Variants in CARMIL1 observed in about 807,000 individuals in gnomAD.
CARMIL1 encodes F-actin-uncapping protein LRRC16A.
Under a neutral mutation model 177.1 loss-of-function variants are expected in CARMIL1, and 90 were observed. That is an observed-to-expected ratio of 0.51 (90% CI 0.43 to 0.61). The LOEUF (loss-of-function observed/expected upper bound fraction) is 0.61, where lower values mean the gene tolerates loss of function less well. Ranked by LOEUF, CARMIL1 falls within the 20% of genes least tolerant of loss-of-function variation. CARMIL1 has a pLI of 0.00. For synonymous variants in CARMIL1, 577 were observed against 606.2 expected (o/e 0.95, Z 0.71); for missense variants, 1,380 against 1,667.0 (o/e 0.83, Z 3.00).
intron 28 of CARMIL1, among the ~76,000 whole-genome samples, chr6:25,556,212 C>G (rs1435003341): frequency 2.0e-5 from 3 of 152,218 alleles, no homozygotes; most frequent in Non-Finnish European, 4.4e-5. Context: ...CTTATTCTAC[C>G]TCTTATTTAA....
chr6:25,511,098 CTAGTTG>C (rs757705665), intron 20 of CARMIL1, among the ~76,000 whole-genome samples: 7 of 152,050 alleles, frequency 4.6e-5, no homozygotes, highest in Non-Finnish European at 8.8e-5. Context: ...TTTTTACATT[CTAGTTG>C]ACTTTATGAC....
At chr6:25,603,191 G>A (rs562246218) in intron 33 of CARMIL1, among the ~76,000 whole-genome samples, 1 of 152,234 alleles carries the variant, frequency 6.6e-6, no homozygotes, top group Non-Finnish European at 1.5e-5. Flanking sequence ...GAAAGGGAAG[G>A]ATGTGAAAGG....
rs141765640 is a variant in CARMIL1, at chr6:25,447,441, C to T, written c.372-2457C>T. On this transcript the variant is annotated intron_variant, in intron 5 of 36. Coordinates refer to ENST00000329474, the MANE Select transcript of CARMIL1 (RefSeq NM_017640.6). ...GTAAATAACTGGGAACATTTTCTTCCAGTCTCTGCAAGGTGATGGAAATTC... is the reference window on the plus strand; with the variant it reads ...GTAAATAACTGGGAACATTTTCTTCTAGTCTCTGCAAGGTGATGGAAATTC... 5.4e-3 allele frequency among the ~76,000 whole-genome samples: 827 copies of T among 152,304 alleles called. 7 individuals carry two copies. The highest frequency in any genetic ancestry group is 0.013 in the African/African-American group (552 of 41,554).
intron 23 of CARMIL1, among the ~76,000 whole-genome samples, chr6:25,524,611 C>T (rs1332239213): frequency 2.0e-5 from 3 of 152,198 alleles, no homozygotes; most frequent in African/African-American, 7.2e-5. Context: ...AAGCAACAAA[C>T]ACAGTGTGAA....
chr6:25,303,509 T>G (rs1783028727), intron 2 of CARMIL1, among the ~76,000 whole-genome samples: 1 of 152,190 alleles, frequency 6.6e-6, no homozygotes, highest in Non-Finnish European at 1.5e-5. Context: ...CTTAAACAAG[T>G]TTCTCCATTT....
At chr6:25,459,275 T>TCTTTC (rs1272799059) in intron 8 of CARMIL1, among the ~76,000 whole-genome samples, 3 of 141,412 alleles carry the variant, frequency 2.1e-5, no homozygotes, top group Admixed American at 7.6e-5. Flanking sequence ...TCTTTTTTTT[T>TCTTTC]TTTTTAAGAC....
chr6:25,324,888 C>G (rs1784948770), intron 2 of CARMIL1, among the ~76,000 whole-genome samples: 1 of 151,702 alleles, frequency 6.6e-6, no homozygotes, highest in Non-Finnish European at 1.5e-5. Flanking sequence ...TTGGGTGGGT[C>G]AAGGAAGTGA....
intron 2 of CARMIL1, among the ~76,000 whole-genome samples, chr6:25,319,439 G>A (rs1784516288): frequency 1.3e-5 from 2 of 152,192 alleles, no homozygotes; most frequent in Middle Eastern, 3.4e-3. Context: ...GATATTAAAA[G>A]TTGTGCTAGT....
At chr6:25,490,843 G>A (rs192316389) in intron 13 of CARMIL1, among the ~76,000 whole-genome samples, 1 of 152,142 alleles carries the variant, frequency 6.6e-6, no homozygotes, top group Non-Finnish European at 1.5e-5. Context: ...TCCTTGATAG[G>A]ATTCTTCTGA....
Position 25,600,340 on chromosome 6 carries a change from C to A in CARMIL1, c.3146C>A (p.Ser1049Tyr). ...AAATGGTCAACAAGAGGCTCAGAGTCCCATGAGCTTAATGAAGGAGGAGAT... is the reference window on the plus strand; with the variant it reads ...AAATGGTCAACAAGAGGCTCAGAGTACCATGAGCTTAATGAAGGAGGAGAT... Reference protein sequence around the residue: ...SKKWSTRGSESHELNEGGDEK... With the variant: ...SKKWSTRGSEYHELNEGGDEK... Residue 1049 changes from serine (S) to tyrosine (Y), a missense_variant, in exon 33 of 37, where the codon TCC (serine) becomes TAC (tyrosine). Ser to Tyr is a moderately radical substitution (Grantham distance 144). Coordinates refer to ENST00000329474, the MANE Select transcript of CARMIL1 (RefSeq NM_017640.6). The A allele has an allele frequency of 6.2e-7, 1 of 1,613,410 alleles. No homozygotes were observed. The highest frequency in any genetic ancestry group is 1.1e-5 in the South Asian group (1 of 90,994).
chr6:25,460,920 GCCTCT>G (rs1800062593), intron 8 of CARMIL1, among the ~76,000 whole-genome samples: 1 of 152,132 alleles, frequency 6.6e-6, no homozygotes, highest in Non-Finnish European at 1.5e-5. Flanking sequence ...ATAGGCTACT[GCCTCT>G]CCTTAAAAGA....
intron 8 of CARMIL1, among the ~76,000 whole-genome samples, chr6:25,454,345 T>G (rs1387525292): frequency 6.6e-6 from 1 of 152,186 alleles, no homozygotes; most frequent in African/African-American, 2.4e-5. Context: ...TGTGGTAGCT[T>G]GAAAGCAGAC....
At chr6:25,402,270 A>G (rs182445965) in intron 2 of CARMIL1, among the ~76,000 whole-genome samples, 131 of 152,278 alleles carry the variant, frequency 8.6e-4, no homozygotes, top group African/African-American at 3.1e-3. Context: ...CTTTATTTTT[A>G]TGTGACATTT....
intron 2 of CARMIL1, among the ~76,000 whole-genome samples, chr6:25,398,489 A>G (rs147854105): frequency 6.6e-6 from 1 of 152,228 alleles, no homozygotes; most frequent in Non-Finnish European, 1.5e-5. Context: ...TGATAAATCA[A>G]TGTGGGTTTT....
intron 24 of CARMIL1, among the ~76,000 whole-genome samples, chr6:25,533,166 C>G (rs1007056984): frequency 6.6e-6 from 1 of 152,236 alleles, no homozygotes; most frequent in African/African-American, 2.4e-5. Context: ...TTGTTAAACA[C>G]TCACTTTGCA....
chr6:25,312,231 C>T (rs184331426), intron 2 of CARMIL1, among the ~76,000 whole-genome samples: 3 of 152,316 alleles, frequency 2.0e-5, no homozygotes, highest in Admixed American at 2.0e-4. Context: ...GTTTATAGAA[C>T]TCCTGACAGC....
chr6:25,375,203 C>G (rs1004527977), intron 2 of CARMIL1, among the ~76,000 whole-genome samples: 10 of 152,126 alleles, frequency 6.6e-5, no homozygotes, highest in African/African-American at 2.4e-4. Flanking sequence ...TGACACATTC[C>G]CTCAGCATTT....
intron 2 of CARMIL1, among the ~76,000 whole-genome samples, chr6:25,353,239 A>G (rs1303703328): frequency 1.3e-5 from 2 of 152,220 alleles, no homozygotes; most frequent in African/African-American, 2.4e-5. Context: ...ACTGTGTGCT[A>G]GATGCTCTTG....
At chr6:25,446,391 T>C (rs146501651) in intron 5 of CARMIL1, among the ~76,000 whole-genome samples, 1 of 152,362 alleles carries the variant, frequency 6.6e-6, no homozygotes, top group East Asian at 1.9e-4. Context: ...CATCAGCACT[T>C]GCTCCTTCAT....
Sources: allele counts gnomAD v4.1 joint callset (sites outside exome capture counted in the v4.1 genomes callset), GRCh38; gene constraint gnomAD v4.1.1; transcripts MANE v1.5; gene names NCBI Gene and HGNC (gene_info 2026-07-23, HGNC 2026-07-21).